Variants in KAT2B observed in about 807,000 individuals in gnomAD.
The protein encoded by KAT2B is lysine acetyltransferase 2B, also known as histone acetyltransferase KAT2B.
Under a neutral mutation model 105.9 loss-of-function variants are expected in KAT2B, and 36 were observed. The ratio of observed to expected loss-of-function variants is 0.34; its 90% CI spans 0.26 to 0.45. The LOEUF is 0.45. Ranked by LOEUF, KAT2B falls within the 20% of genes least tolerant of loss-of-function variation. The pLI, the probability that KAT2B is intolerant of heterozygous loss-of-function variation, is 1.00. For synonymous variants in KAT2B, 397 were observed against 377.9 expected (o/e 1.05, Z -0.59); for missense variants, 820 against 1,021.6 (o/e 0.80, Z 2.69).
chr3:20,125,759 A>G (rs747743055), intron 9 of KAT2B, 146 bp from the exon 10 acceptor site: 47 of 640,942 alleles, frequency 7.3e-5, no homozygotes, highest in Non-Finnish European at 1.2e-4. Flanking sequence ...CTCTGTGTGT[A>G]TGTGTGCACA....
rs199552217 is a variant in KAT2B at position 20,122,653 on chromosome 3, T to C, written c.1277-15T>C. 1 of 1,608,668 alleles carries C rather than the reference T, an allele frequency of 6.2e-7. No homozygotes were observed. Among genetic ancestry groups the C allele is most frequent in the East Asian group, 2.2e-5 (1 of 44,812 alleles). On this transcript the variant is annotated splice_polypyrimidine_tract_variant and intron_variant, in intron 8 of 17. Coordinates refer to ENST00000263754, the MANE Select transcript of KAT2B (RefSeq NM_003884.5). ...AGAACCACCCATTGTTTGCCTTTTA[T>C]TTTGATCATCATAGGAGAAAAGAGG...
intron 11 of KAT2B, among the ~76,000 whole-genome samples, chr3:20,133,911 T>C (rs531829943): frequency 2.0e-5 from 3 of 152,356 alleles, no homozygotes; most frequent in Non-Finnish European, 4.4e-5. Flanking sequence ...TAATATTTAT[T>C]CTTGTTCTAG....
At chr3:20,119,012 T>A (rs1363483870) in intron 7 of KAT2B, among the ~76,000 whole-genome samples, 1 of 152,012 alleles carries the variant, frequency 6.6e-6, no homozygotes, top group African/African-American at 2.4e-5. Context: ...TTTATTGCAA[T>A]TTTTCCATTG....
chr3:20,051,741 C>T lies in KAT2B; in HGVS notation c.303+10961C>T, dbSNP rs115705944. On this transcript the variant is annotated intron_variant, in intron 1 of 17. Transcript: ENST00000263754. ...ACAAAGATTTTTCATAACAACTGTC[C>T]CTGAAAAGTAGTATTGAATATATGA... is the stretch of plus-strand genomic sequence containing the variant. 4.9e-3 allele frequency among the ~76,000 whole-genome samples: 751 copies of T among 152,232 alleles called. 5 individuals carry two copies. The highest frequency in any genetic ancestry group is 0.017 in the African/African-American group (717 of 41,522).
In KAT2B at chr3:20,152,918, A is replaced by G. The variant is rs1392467264; in HGVS notation, c.*393A>G. ...AATGTTTCCATTTTTTTCTAATGGA[A>G]TGTGAGAGTTTACTTTTATTTTATT... On this transcript the variant is annotated 3_prime_UTR_variant, in exon 18 of 18. Transcript: ENST00000263754. 6.4e-6 allele frequency: 1 copy of G among 155,594 alleles called. No individual in the cohort carries two copies. The allele number at this position is 155,594 out of a possible 1,614,324, so 9.6% of individuals were successfully genotyped here. A position where few individuals can be genotyped will look rare whatever the true frequency, so the allele number is the denominator to read the frequency against.
chr3:20,092,033 A>G (rs1168788737), intron 2 of KAT2B, among the ~76,000 whole-genome samples: 9 of 152,126 alleles, frequency 5.9e-5, no homozygotes, highest in Non-Finnish European at 8.8e-5. Context: ...CTTGAGAAGA[A>G]TGTGTATTCT....
chr3:20,072,088 G>C (rs567662238), intron 1 of KAT2B, among the ~76,000 whole-genome samples: 5 of 152,268 alleles, frequency 3.3e-5, no homozygotes, highest in Non-Finnish European at 7.4e-5. Context: ...AAGTGTGTGG[G>C]TCAGCTGCGT....
At chr3:20,133,881 A>G (rs1699554809) in intron 11 of KAT2B, among the ~76,000 whole-genome samples, 1 of 152,156 alleles carries the variant, frequency 6.6e-6, no homozygotes, top group Admixed American at 6.5e-5. Flanking sequence ...GAGGTCGAAC[A>G]TATCTCTTAT....
At position 20,126,059 on chromosome 3, in the gene KAT2B, C is replaced by G; in HGVS notation, c.1568C>G (p.Ser523Cys). 1 of 1,613,782 alleles carries G rather than the reference C, an allele frequency of 6.2e-7. No individual in the cohort carries two copies. The highest frequency in any genetic ancestry group is 8.5e-7 in the Non-Finnish European group (1 of 1,179,844). ...MWLVGLQNVF[S>C]HQLPRMPKEY... ...CTGGTTGGCCTACAGAACGTTTTCT[C>G]CCACCAGCTGCCCCGAATGCCAAAA... Residue 523 changes from serine to cysteine, a missense_variant, in exon 10 of 18, where the codon TCC becomes TGC. By Grantham distance (112) the Ser-to-Cys change is moderately radical (BLOSUM62 -1). Around this residue, in one of 6 missense-constraint regions of KAT2B, gnomAD observed 225 missense variants for 268.1 expected, o/e 0.84. Coordinates refer to ENST00000263754, the MANE Select transcript of KAT2B (RefSeq NM_003884.5).
intron 2 of KAT2B, among the ~76,000 whole-genome samples, chr3:20,089,246 T>G (rs1387773328): frequency 1.3e-5 from 2 of 152,120 alleles, no homozygotes; most frequent in African/African-American, 2.4e-5. Flanking sequence ...TTAAGATTAT[T>G]TTTTCTATTT....
At chr3:20,122,363 C>T (rs143397346) in intron 8 of KAT2B, among the ~76,000 whole-genome samples, 1 of 152,134 alleles carries the variant, frequency 6.6e-6, no homozygotes, top group African/African-American at 2.4e-5. Flanking sequence ...TTAGAGAGTA[C>T]TAACAAACAA....
intron 1 of KAT2B, among the ~76,000 whole-genome samples, chr3:20,060,248 T>C (rs1338802512): frequency 6.6e-6 from 1 of 152,210 alleles, no homozygotes; most frequent in Non-Finnish European, 1.5e-5. Context: ...AGATACTTAG[T>C]GGATTTGCTG....
intron 15 of KAT2B, 119 bp downstream of exon 15, chr3:20,148,118 A>G: frequency 7.3e-7 from 1 of 1,364,596 alleles, no homozygotes; most frequent in Non-Finnish European, 1.0e-6. Context: ...GTGGGTTTTG[A>G]GTTTCCTAAA....
intron 1 of KAT2B, among the ~76,000 whole-genome samples, chr3:20,047,844 G>A (rs1386423490): frequency 1.3e-5 from 2 of 151,962 alleles, no homozygotes; most frequent in African/African-American, 4.8e-5. Flanking sequence ...TCAAACTCCT[G>A]ACCTCAAGTG....
rs9860573 is a variant in KAT2B, at chr3:20,139,992, A to T, written c.1861-229A>T. On this transcript the variant is annotated intron_variant, in intron 12 of 17. Transcript: ENST00000263754. ...TTTTAAACTTTTTAATATTTCTTGC[A>T]TTTTATTAGGGCCATTTAAAAAATG... 0.015 allele frequency among the ~76,000 whole-genome samples: 2,343 copies of T among 152,244 alleles called. 73 individuals are homozygous for T. The highest frequency in any genetic ancestry group is 0.053 in the African/African-American group (2,206 of 41,536).
At chr3:20,069,177 C>T (rs1467842726) in intron 1 of KAT2B, among the ~76,000 whole-genome samples, 2 of 152,172 alleles carry the variant, frequency 1.3e-5, no homozygotes, top group Non-Finnish European at 2.9e-5. Context: ...TGAAGAGTAA[C>T]TCAAGGAGGT....
chr3:20,099,798 G>GGA (rs1187073303), intron 3 of KAT2B, 64 bp from the exon 4 acceptor site: 14 of 779,624 alleles, frequency 1.8e-5, no homozygotes, highest in Middle Eastern at 3.5e-4. Flanking sequence ...AGAAGAGAGA[G>GGA]GAGAGAGAGA....
intron 13 of KAT2B, among the ~76,000 whole-genome samples, 176 bp from the exon 14 acceptor site, chr3:20,146,140 A>T (rs1699779899): frequency 6.6e-6 from 1 of 152,230 alleles, no homozygotes; most frequent in African/African-American, 2.4e-5. Context: ...CACTAAATAG[A>T]CATGGTATAA....
intron 1 of KAT2B, among the ~76,000 whole-genome samples, chr3:20,057,211 A>C (rs1698016788): frequency 6.6e-6 from 1 of 152,164 alleles, no homozygotes; most frequent in Non-Finnish European, 1.5e-5. Flanking sequence ...CAGTGCCAAC[A>C]AAGGGAATAG....
Sources: gnomAD v4.1 joint callset for allele counts (sites outside exome capture counted in the v4.1 genomes callset) on GRCh38, gnomAD v4.1.1 for gene constraint, gnomAD v4.1.1 regional missense constraint, MANE v1.5 for transcripts, NCBI Gene and HGNC (gene_info 2026-07-23, HGNC 2026-07-21) for gene names.